The following HDAC9 variants were observed in gnomAD, a reference collection of about 807,000 sequenced individuals.
The protein encoded by HDAC9 is histone deacetylase 9, also known as MEF-2 interacting transcription repressor (MITR) protein.
In HDAC9, 41 loss-of-function variants were observed where a neutral mutation model predicts 139.4. The ratio of observed to expected loss-of-function variants is 0.29; its 90% confidence interval spans 0.23 to 0.38. The LOEUF is 0.38. Ranked by LOEUF, HDAC9 falls within the 10% of genes least tolerant of loss-of-function variation. HDAC9 has a pLI of 1.00. For synonymous variants in HDAC9, 517 were observed against 476.2 expected (o/e 1.09, Z -1.12); for missense variants, 1,147 against 1,297.0 (o/e 0.88, Z 1.78).
At chr7:18,728,426 C>T (rs1254115517) in intron 13 of HDAC9, among the ~76,000 whole-genome samples, 1 of 151,900 alleles carries the variant, frequency 6.6e-6, no homozygotes, top group Non-Finnish European at 1.5e-5. Context: ...CACACACACA[C>T]ACACACACAC....
intron 2 of HDAC9, among the ~76,000 whole-genome samples, chr7:18,567,211 G>T (rs1037840479): frequency 2.0e-5 from 3 of 152,132 alleles, no homozygotes; most frequent in Non-Finnish European, 2.9e-5. Context: ...ACCAAGACAG[G>T]CCTGATGTGG....
chr7:18,243,206 T>C (rs775068975), intron 2 of HDAC9, among the ~76,000 whole-genome samples: 3 of 152,230 alleles, frequency 2.0e-5, no homozygotes, highest in Non-Finnish European at 4.4e-5. Context: ...TGGGAAAATA[T>C]ACAGGAAAAA....
chr7:18,693,827 C>T (rs980092658), intron 12 of HDAC9, among the ~76,000 whole-genome samples: 1 of 152,144 alleles, frequency 6.6e-6, no homozygotes, highest in South Asian at 2.1e-4. Flanking sequence ...ATTTTACAAA[C>T]CACATTTAAT....
intron 2 of HDAC9, among the ~76,000 whole-genome samples, chr7:18,249,000 G>C (rs1189118174): frequency 6.6e-6 from 1 of 152,030 alleles, no homozygotes; most frequent in South Asian, 2.1e-4. Context: ...TTACTTTTCT[G>C]GCTTTTTAAG....
chr7:18,984,363 G>A (rs539872941), intron 25 of HDAC9, among the ~76,000 whole-genome samples: 148 of 152,218 alleles, frequency 9.7e-4, no homozygotes, highest in African/African-American at 3.2e-3. Context: ...TGGGTAGAAA[G>A]GGATCATGGC....
chr7:18,774,108 C>G (rs1790555111), intron 16 of HDAC9, among the ~76,000 whole-genome samples: 1 of 151,940 alleles, frequency 6.6e-6, no homozygotes, highest in East Asian at 1.9e-4. Flanking sequence ...AAGAAAAACC[C>G]ATAGCTTCTG....
At chr7:18,177,226 T>C (rs1282346106) in intron 2 of HDAC9, among the ~76,000 whole-genome samples, 3 of 152,156 alleles carry the variant, frequency 2.0e-5, no homozygotes, top group African/African-American at 4.8e-5. Context: ...TGAAGGGAAA[T>C]TGGGTACACC....
chr7:18,968,639 G>C (rs1015307402), intron 24 of HDAC9, among the ~76,000 whole-genome samples: 1 of 152,126 alleles, frequency 6.6e-6, no homozygotes, highest in Admixed American at 6.5e-5. Flanking sequence ...GTATTACTGA[G>C]TTGAGAATAA....
intron 17 of HDAC9, among the ~76,000 whole-genome samples, chr7:18,820,331 G>C (rs13241130): frequency 0.1 from 15,905 of 152,122 alleles, 1,861 homozygotes; most frequent in African/African-American, 0.28. Flanking sequence ...GTATAATATA[G>C]AACACATCTT....
intron 1 of HDAC9, among the ~76,000 whole-genome samples, chr7:18,466,160 T>G (rs781209591): frequency 3.3e-5 from 5 of 152,160 alleles, no homozygotes; most frequent in Non-Finnish European, 7.4e-5. Flanking sequence ...CTTCTTGAGG[T>G]TACTCACCTT....
chr7:18,754,657 G>A (rs1451912134), intron 14 of HDAC9, among the ~76,000 whole-genome samples: 2 of 152,102 alleles, frequency 1.3e-5, no homozygotes, highest in Non-Finnish European at 2.9e-5. Flanking sequence ...TTATTCAAGT[G>A]CCAACACAAA....
At chr7:18,969,472 C>A (rs1784108809) in intron 24 of HDAC9, among the ~76,000 whole-genome samples, 1 of 151,888 alleles carries the variant, frequency 6.6e-6, no homozygotes, top group Non-Finnish European at 1.5e-5. Context: ...AATCCAATAG[C>A]CAAAAAATGT....
intron 22 of HDAC9, among the ~76,000 whole-genome samples, chr7:18,919,995 C>T (rs975027583): frequency 6.6e-6 from 1 of 151,964 alleles, no homozygotes; most frequent in Non-Finnish European, 1.5e-5. Flanking sequence ...TTTTTGGTTC[C>T]ATATGAACTT....
rs576800509 is a variant in HDAC9 at position 18,099,664 on chromosome 7, A to G, written c.-97+12451A>G. Among the ~76,000 whole-genome samples, 4 of 152,318 alleles carry G rather than the reference A, an allele frequency of 2.6e-5. No individual in the cohort carries two copies. In the East Asian group the frequency reaches 5.8e-4, roughly 22 times the overall value. ...CTACTCAAGCCAAGTGGGAAAGTGT[A>G]GGCCAAATGGAATAGTATTTCAGAA... is the stretch of plus-strand genomic sequence containing the variant. On this transcript the variant is annotated intron_variant, in intron 1 of 12. Transcript: ENST00000417496.
At chr7:18,451,091 G>A (rs1333217085) in intron 1 of HDAC9, among the ~76,000 whole-genome samples, 3 of 152,120 alleles carry the variant, frequency 2.0e-5, no homozygotes, top group African/African-American at 7.2e-5. Flanking sequence ...AAAGTGATTA[G>A]GTCAGAATGG....
chr7:18,717,156 T>C (rs909028024), intron 12 of HDAC9, among the ~76,000 whole-genome samples: 4 of 152,128 alleles, frequency 2.6e-5, no homozygotes, highest in African/African-American at 9.7e-5. Flanking sequence ...CCTTAGAGGC[T>C]CACCACTGTT....
intron 21 of HDAC9, among the ~76,000 whole-genome samples, chr7:18,868,543 C>G (rs187543954): frequency 2.6e-5 from 4 of 152,272 alleles, no homozygotes; most frequent in Admixed American, 2.6e-4. Context: ...TGTCACCATA[C>G]CCATTTCCTC....
chr7:18,710,886 A>T (rs28700157), intron 12 of HDAC9, among the ~76,000 whole-genome samples: 8,847 of 152,280 alleles, frequency 0.058, 899 homozygotes, highest in African/African-American at 0.2. Context: ...ATACATGTGT[A>T]TATTTACCCA....
At chr7:18,679,210 A>G (rs1372310971) in intron 12 of HDAC9, among the ~76,000 whole-genome samples, 2 of 151,966 alleles carry the variant, frequency 1.3e-5, no homozygotes, top group Non-Finnish European at 2.9e-5. Context: ...ATTTTCAAGC[A>G]GGCTTTGAAT....
Sources: gnomAD v4.1 joint callset for allele counts (sites outside exome capture counted in the v4.1 genomes callset) on GRCh38, gnomAD v4.1.1 for gene constraint, MANE v1.5 for transcripts, NCBI Gene and HGNC (gene_info 2026-07-23, HGNC 2026-07-21) for gene names.